ZMPSTE24: variants seen among roughly 807,000 people sequenced by gnomAD.
ZMPSTE24 encodes the protein CAAX prenyl protease 1 homolog.
Under a neutral mutation model 56.7 loss-of-function variants are expected in ZMPSTE24, and 48 were observed. The ratio of observed to expected loss-of-function variants is 0.85; its 90% confidence interval spans 0.67 to 1.08. The LOEUF (loss-of-function observed/expected upper bound fraction) is 1.08, where lower values mean the gene tolerates loss of function less well. ZMPSTE24 is among the 50% of genes least tolerant of loss of function. ZMPSTE24 has a pLI of 0.00. For synonymous variants in ZMPSTE24, 172 were observed against 195.2 expected (o/e 0.88, Z 0.99); for missense variants, 503 against 548.7 (o/e 0.92, Z 0.83).
At chr1:40,263,858 C>T (rs1643522544) in intron 2 of ZMPSTE24, among the ~76,000 whole-genome samples, 1 of 151,734 alleles carries the variant, frequency 6.6e-6, no homozygotes. Context: ...AAAATTCCAG[C>T]CTCTCTGAGA....
Position 40,268,478 on chromosome 1 carries a change from G to A in ZMPSTE24, c.417G>A (p.Leu139=), listed in dbSNP as rs1185389754. 6.2e-7 allele frequency: 1 copy of A among 1,612,944 alleles called. No individual in the cohort carries two copies. The highest frequency in any genetic ancestry group is 2.2e-5 in the East Asian group (1 of 44,872). ...CACTTTTCAGTGCATTGACTGGTTT[G>A]CCATGGAGTCTTTATAATACTTTTG... ...LATLFSALTG[L]PWSLYNTFVI... The change falls in exon 4 of 10, where the codon TTG becomes TTA. Residue 139 remains leucine (L), a synonymous_variant. Transcript: ENST00000372759.
chr1:40,275,763 A>C (rs914653845), intron 6 of ZMPSTE24, among the ~76,000 whole-genome samples: 5 of 151,862 alleles, frequency 3.3e-5, no homozygotes, highest in East Asian at 1.9e-4. Context: ...AAAAAAAAAA[A>C]AAAAAAAAAA....
chr1:40,291,035 T>C, intron 9 of ZMPSTE24, 38 bp downstream of exon 9: 2 of 1,609,730 alleles, frequency 1.2e-6, no homozygotes, highest in South Asian at 2.2e-5. Context: ...ACATATGCTC[T>C]TGCCTGCTTC....
At chr1:40,285,589 G>A (rs1465176775) in intron 7 of ZMPSTE24, among the ~76,000 whole-genome samples, 1 of 152,052 alleles carries the variant, frequency 6.6e-6, no homozygotes, top group Non-Finnish European at 1.5e-5. Flanking sequence ...TAATGTGACT[G>A]TCATATAACT....
intron 2 of ZMPSTE24, among the ~76,000 whole-genome samples, chr1:40,261,772 C>T (rs1385586510): frequency 2.6e-5 from 4 of 152,072 alleles, no homozygotes; most frequent in Non-Finnish European, 2.9e-5. Context: ...TGCAGTCGCA[C>T]GATCTTGGCT....
intron 2 of ZMPSTE24, 131 bp downstream of exon 2, chr1:40,261,116 G>T: frequency 2.6e-6 from 3 of 1,134,568 alleles, no homozygotes; most frequent in Non-Finnish European, 4.0e-6. Flanking sequence ...GATAGTAACG[G>T]CTGTGGAGCA....
chr1:40,280,241 T>A (rs1324948317), intron 6 of ZMPSTE24, among the ~76,000 whole-genome samples: 1 of 152,078 alleles, frequency 6.6e-6, no homozygotes, highest in Non-Finnish European at 1.5e-5. Context: ...CAACTTCCGA[T>A]GGCCTGCCAC....
At chr1:40,289,380 G>A (rs940042515) in intron 8 of ZMPSTE24, among the ~76,000 whole-genome samples, 1 of 152,242 alleles carries the variant, frequency 6.6e-6, no homozygotes, top group Non-Finnish European at 1.5e-5. Context: ...GTAGGGCCCA[G>A]TAGCAAACCA....
intron 7 of ZMPSTE24, among the ~76,000 whole-genome samples, chr1:40,283,331 CCT>C (rs905870799): frequency 2.8e-4 from 43 of 152,100 alleles, no homozygotes; most frequent in African/African-American, 1.0e-3. Flanking sequence ...TGACGAAACC[CCT>C]GTCTCTACAA....
intron 8 of ZMPSTE24, 100 bp from the exon 9 acceptor site, chr1:40,290,754 G>T (rs541215644): frequency 4.8e-6 from 7 of 1,467,252 alleles, no homozygotes; most frequent in Middle Eastern, 2.4e-4. Context: ...GAGCCACCGC[G>T]CCCGGCCACA....
intron 6 of ZMPSTE24, among the ~76,000 whole-genome samples, chr1:40,276,900 T>C (rs1643676281): frequency 6.6e-6 from 1 of 152,340 alleles, no homozygotes; most frequent in Non-Finnish European, 1.5e-5. Context: ...GATAGTGTGC[T>C]CTGCTACAAC....
At position 40,281,423 on chromosome 1, in the gene ZMPSTE24, C is replaced by T. The variant is rs1569650874; in HGVS notation, c.850C>T (p.Leu284=). The T allele has an allele frequency of 1.9e-6, 3 of 1,614,068 alleles. No individual in the cohort carries two copies. The highest frequency in any genetic ancestry group is 2.5e-6 in the Non-Finnish European group (3 of 1,179,978). Residue 284 remains leucine, a synonymous_variant, in exon 7 of 10, where the codon CTA becomes TTA. Transcript: ENST00000372759. The part of the protein sequence containing the change: ...NKRIVLFDTL[L]EEYSVLNKDI... ...GCGAATAGTTTTGTTTGACACTCTA[C>T]TAGAAGAGTACTCTGTACTAAACAA...
intron 7 of ZMPSTE24, among the ~76,000 whole-genome samples, chr1:40,284,924 T>TC (rs1449903521): frequency 7.7e-6 from 1 of 129,498 alleles, no homozygotes; most frequent in Non-Finnish European, 1.6e-5. Context: ...CAAAACATCA[T>TC]CCCTTTTTTT....
At chr1:40,291,769 AT>A (rs1643846268) in intron 9 of ZMPSTE24, among the ~76,000 whole-genome samples, 3 of 152,056 alleles carry the variant, frequency 2.0e-5, no homozygotes, top group African/African-American at 7.2e-5. Context: ...CATAGATCAT[AT>A]TCATATAGCA....
At chr1:40,273,562 ATATATATG>A in intron 6 of ZMPSTE24, among the ~76,000 whole-genome samples, 1 of 124,126 alleles carries the variant, frequency 8.1e-6, no homozygotes, top group South Asian at 2.7e-4. Context: ...ATATATATAT[ATATATATG>A]TCAGACATTT....
chr1:40,270,037 G>C lies in ZMPSTE24; in HGVS notation c.537G>C (p.Leu179Phe). Residue 179 changes from leucine (L) to phenylalanine (F), a missense_variant, in exon 5 of 10, where the codon TTG becomes TTC. By Grantham distance (22) the Leu-to-Phe change is conservative (BLOSUM62 0). Transcript: ENST00000372759. ...TTGTTGTGACTCAGTGTATTTTGTT[G>C]CCTGTGTCTTCACTTCTACTTTACA... ...KKFVVTQCIL[L>F]PVSSLLLYII... is the part of the protein sequence containing the mutation. 6.2e-7 allele frequency: 1 copy of C among 1,613,828 alleles called. No individual in the cohort carries two copies.
At chr1:40,281,274 C>A in intron 6 of ZMPSTE24, 69 bp from the exon 7 acceptor site, 1 of 1,419,992 alleles carries the variant, frequency 7.0e-7, no homozygotes, top group South Asian at 1.2e-5. Context: ...AATTCAATTT[C>A]TAGGAGTCTC....
intron 6 of ZMPSTE24, 48 bp from the exon 7 acceptor site, chr1:40,281,295 C>T: frequency 6.3e-7 from 1 of 1,594,304 alleles, no homozygotes; most frequent in Non-Finnish European, 8.6e-7. Context: ...TCCAAAGGAC[C>T]CCAAACTTTT....
intron 4 of ZMPSTE24, 44 bp from the exon 5 acceptor site, chr1:40,269,931 G>T: frequency 6.3e-7 from 1 of 1,578,202 alleles, no homozygotes; most frequent in Non-Finnish European, 8.6e-7. Context: ...TTAAAAAGCA[G>T]AACCAGTTTC....
Sources: gnomAD v4.1 joint callset for allele counts (sites outside exome capture counted in the v4.1 genomes callset) on GRCh38, gnomAD v4.1.1 for gene constraint, MANE v1.5 for transcripts, NCBI Gene and HGNC (gene_info 2026-07-23, HGNC 2026-07-21) for gene names.